The following FOXN3 variants were observed in gnomAD, a reference collection of about 807,000 sequenced individuals.
FOXN3 encodes forkhead box protein N3.
Under a neutral mutation model 38.4 loss-of-function variants are expected in FOXN3, and 7 were observed. That is an observed-to-expected ratio of 0.18 (90% CI 0.10 to 0.34). FOXN3 has a LOEUF of 0.34. FOXN3 is among the 10% of genes least tolerant of loss of function. The pLI is 1.00. For synonymous variants in FOXN3, 230 were observed against 242.2 expected (o/e 0.95, Z 0.47); for missense variants, 456 against 613.4 (o/e 0.74, Z 2.71).
At chr14:89,382,695 C>T (rs979309774) in intron 2 of FOXN3, among the ~76,000 whole-genome samples, 1 of 152,206 alleles carries the variant, frequency 6.6e-6, no homozygotes, top group African/African-American at 2.4e-5. Flanking sequence ...CTCTCTGACC[C>T]TCAGTTTCCT....
chr14:89,350,922 ACT>A (rs1169305398), intron 2 of FOXN3, 114 bp from the exon 3 acceptor site: 1 of 757,208 alleles, frequency 1.3e-6, no homozygotes, highest in African/African-American at 1.8e-5. Context: ...TCATTTGTTG[ACT>A]GTTTGCCAGC....
chr14:89,572,940 G>A (rs1355816207), intron 1 of FOXN3, among the ~76,000 whole-genome samples: 1 of 152,234 alleles, frequency 6.6e-6, no homozygotes, highest in Non-Finnish European at 1.5e-5. Context: ...TTCCATGACA[G>A]CTCCTGGCAG....
intron 3 of FOXN3, among the ~76,000 whole-genome samples, chr14:89,323,301 A>AG (rs113302027): frequency 0.12 from 16,928 of 141,466 alleles, 1,154 homozygotes; most frequent in East Asian, 0.16. Flanking sequence ...AAAAAAAAAA[A>AG]AAAGAAAGAA....
At chr14:89,506,686 C>T (rs763961517) in intron 1 of FOXN3, among the ~76,000 whole-genome samples, 6 of 152,206 alleles carry the variant, frequency 3.9e-5, no homozygotes, top group East Asian at 1.9e-4. Flanking sequence ...AATAGAAAGG[C>T]GGGAAAGGTG....
chr14:89,394,206 G>C (rs915910687), intron 2 of FOXN3, among the ~76,000 whole-genome samples: 2 of 146,348 alleles, frequency 1.4e-5, no homozygotes, highest in African/African-American at 5.1e-5. Context: ...AATGGGGATC[G>C]ACGTTCTTTT....
Position 89,464,800 on chromosome 14 carries a change from C to T in FOXN3, c.-14-52310G>A, listed in dbSNP as rs532281738. On this transcript the variant is annotated intron_variant, in intron 1 of 6. Coordinates refer to the FOXN3 transcript ENST00000345097. The stretch of plus-strand genomic sequence containing the variant: ...GCAACCTCCACCTCCGGGGCTCAAG[C>T]GATTCTCCTGCCTCAGCCTCTCGAA... 3.3e-5 allele frequency among the ~76,000 whole-genome samples: 5 copies of T among 152,216 alleles called. No individual in the cohort carries two copies. The East Asian group carries it at 5.8e-4, about 18-fold the overall frequency.
intron 1 of FOXN3, among the ~76,000 whole-genome samples, chr14:89,500,782 G>C (rs182459392): frequency 2.0e-5 from 3 of 152,308 alleles, no homozygotes; most frequent in Non-Finnish European, 4.4e-5. Flanking sequence ...GCAGTTTGTC[G>C]TGCAGGCATG....
At chr14:89,355,504 T>C (rs933624255) in intron 2 of FOXN3, among the ~76,000 whole-genome samples, 1 of 152,160 alleles carries the variant, frequency 6.6e-6, no homozygotes, top group African/African-American at 2.4e-5. Flanking sequence ...CCCAAAGTGC[T>C]GGAAATACAG....
chr14:89,438,022 G>A (rs1014111413), intron 1 of FOXN3, among the ~76,000 whole-genome samples: 15 of 152,230 alleles, frequency 9.9e-5, no homozygotes, highest in Admixed American at 7.2e-4. Flanking sequence ...GTTAACAAAT[G>A]ATAATGAATG....
intron 1 of FOXN3, among the ~76,000 whole-genome samples, chr14:89,439,529 A>G (rs1033941818): frequency 2.0e-5 from 3 of 152,146 alleles, no homozygotes; most frequent in Non-Finnish European, 4.4e-5. Flanking sequence ...GTTACCCTAT[A>G]TGGTCTAAAA....
chr14:89,612,857 C>T (rs1032581710), intron 1 of FOXN3, among the ~76,000 whole-genome samples: 25 of 151,546 alleles, frequency 1.6e-4, no homozygotes, highest in African/African-American at 5.8e-4. Context: ...CGGTGGCTCA[C>T]GCTTGTGCTC....
intron 2 of FOXN3, among the ~76,000 whole-genome samples, chr14:89,397,761 C>G (rs907054440): frequency 6.6e-6 from 1 of 152,208 alleles, no homozygotes; most frequent in Non-Finnish European, 1.5e-5. Context: ...ATTTAGCAAG[C>G]CACTGAACCT....
At position 89,322,804 on chromosome 14, in the gene FOXN3, TCATCCATC is replaced by T. The variant is rs755459010; in HGVS notation, c.680+27860_680+27867del. Among the ~76,000 whole-genome samples the T allele has an allele frequency of 7.9e-5, 12 of 152,052 alleles. 1 individual carries two copies. Among genetic ancestry groups the T allele is most frequent in the African/African-American group, 2.9e-4 (12 of 41,470 alleles). The stretch of plus-strand genomic sequence containing the variant: ...CAATGGCAGCTATCCAGTTAGAAGG[TCATCCATC>T]CATCCATCCATTCAAAACTACCAGC... On this transcript the variant is annotated intron_variant, in intron 3 of 5. Coordinates refer to ENST00000557258, the MANE Select transcript of FOXN3 (RefSeq NM_005197.4).
At chr14:89,344,881 T>C (rs1888718170) in intron 3 of FOXN3, among the ~76,000 whole-genome samples, 1 of 152,164 alleles carries the variant, frequency 6.6e-6, no homozygotes, top group African/African-American at 2.4e-5. Flanking sequence ...ATGACGTATC[T>C]AGGAAGGAGG....
At chr14:89,555,919 C>A (rs1895115090) in intron 1 of FOXN3, among the ~76,000 whole-genome samples, 1 of 140,170 alleles carries the variant, frequency 7.1e-6, no homozygotes, top group African/African-American at 2.5e-5. Flanking sequence ...TGTGTGTGTG[C>A]AAGTGTTGGT....
At chr14:89,373,197 C>A (rs538775450) in intron 2 of FOXN3, among the ~76,000 whole-genome samples, 2 of 152,192 alleles carry the variant, frequency 1.3e-5, no homozygotes, top group African/African-American at 4.8e-5. Flanking sequence ...TAAATGTAAA[C>A]CATGTGTTAC....
intron 1 of FOXN3, among the ~76,000 whole-genome samples, chr14:89,497,167 G>C (rs1893703155): frequency 6.6e-6 from 1 of 152,004 alleles, no homozygotes; most frequent in African/African-American, 2.4e-5. Context: ...TGTCGGCCAG[G>C]CTGGTCTAGA....
chr14:89,365,659 C>A (rs761051946), intron 2 of FOXN3, among the ~76,000 whole-genome samples: 1 of 152,144 alleles, frequency 6.6e-6, no homozygotes, highest in African/African-American at 2.4e-5. Context: ...ATGACATAGG[C>A]TGACTAAAAA....
chr14:89,335,858 C>T (rs1198110042), intron 3 of FOXN3, among the ~76,000 whole-genome samples: 2 of 152,014 alleles, frequency 1.3e-5, no homozygotes, highest in African/African-American at 4.8e-5. Flanking sequence ...GTTCTCCCTA[C>T]AGACATATCA....
Sources: gnomAD v4.1 joint callset for allele counts (sites outside exome capture counted in the v4.1 genomes callset) on GRCh38, gnomAD v4.1.1 for gene constraint, MANE v1.5 for transcripts, NCBI Gene and HGNC (gene_info 2026-07-23, HGNC 2026-07-21) for gene names.